ADGRB3: variants seen among roughly 807,000 people sequenced by gnomAD.
ADGRB3 encodes brain-specific angiogenesis inhibitor 3.
ADGRB3 carries 37 observed loss-of-function variants against 193.4 expected under a neutral mutation model. The ratio of observed to expected loss-of-function variants is 0.19; its 90% CI spans 0.15 to 0.25. The LOEUF is 0.25. Among genes scored for constraint, ADGRB3 ranks in the 10% least tolerant of loss-of-function variants. The probability of loss-of-function intolerance (pLI) is 1.00; values close to 1 mark genes in which losing one functional copy is unlikely to be tolerated. For missense variants in ADGRB3, 1,637 were observed against 1,852.9 expected (o/e 0.88, Z 2.14); for synonymous variants, 690 against 644.2 (o/e 1.07, Z -1.08).
intron 26 of ADGRB3, among the ~76,000 whole-genome samples, chr6:69,348,112 G>C (rs1022989244): frequency 6.6e-6 from 1 of 152,090 alleles, no homozygotes; most frequent in South Asian, 2.1e-4. Context: ...TTTCACACAT[G>C]GTTCTCCTAG....
At chr6:68,858,426 C>T (rs1417681387) in intron 3 of ADGRB3, among the ~76,000 whole-genome samples, 1 of 150,068 alleles carries the variant, frequency 6.7e-6, no homozygotes, top group Non-Finnish European at 1.5e-5. Context: ...ATTGTGTGAA[C>T]TCAGGAGGTG....
At chr6:69,291,757 A>G (rs1767687415) in intron 20 of ADGRB3, among the ~76,000 whole-genome samples, 2 of 152,182 alleles carry the variant, frequency 1.3e-5, no homozygotes, top group South Asian at 4.1e-4. Context: ...AAAATATGGT[A>G]CATTGGCATA....
At chr6:69,053,075 A>G (rs1771446295) in intron 15 of ADGRB3, among the ~76,000 whole-genome samples, 1 of 152,082 alleles carries the variant, frequency 6.6e-6, no homozygotes, top group Admixed American at 6.5e-5. Context: ...AGTCCCAGAT[A>G]CTTGGGAGGC....
At chr6:69,277,325 T>C (rs1290414423) in intron 20 of ADGRB3, among the ~76,000 whole-genome samples, 1 of 152,116 alleles carries the variant, frequency 6.6e-6, no homozygotes, top group Non-Finnish European at 1.5e-5. Context: ...CTACTCCATC[T>C]CTTCACTTAA....
At chr6:68,798,927 G>A (rs979114598) in intron 3 of ADGRB3, among the ~76,000 whole-genome samples, 31 of 152,198 alleles carry the variant, frequency 2.0e-4, no homozygotes, top group African/African-American at 6.5e-4. Context: ...ACAATGGGCA[G>A]AGGTAAGGTT....
Position 68,736,265 on chromosome 6 carries a change from C to T in ADGRB3, c.757+96833C>T, listed in dbSNP as rs187184825. 4.1e-4 allele frequency among the ~76,000 whole-genome samples: 63 copies of T among 152,194 alleles called. 1 individual carries two copies. The highest frequency in any genetic ancestry group is 3.4e-3 in the Admixed American group (52 of 15,276). ...AACTCCTGGGCTCAAGCTATCCACC[C>T]GGCTCAGCCTCTCCAGTGCTAGAAC... On this transcript the variant is annotated intron_variant, in intron 3 of 31. Coordinates refer to ENST00000370598, the MANE Select transcript of ADGRB3 (RefSeq NM_001704.3).
chr6:69,366,930 C>T (rs758117863), intron 29 of ADGRB3, among the ~76,000 whole-genome samples: 2 of 152,040 alleles, frequency 1.3e-5, no homozygotes, highest in African/African-American at 2.4e-5. Context: ...ATGGATCTTG[C>T]CCCTGTGGAG....
At chr6:68,708,592 A>T (rs1055381064) in intron 3 of ADGRB3, among the ~76,000 whole-genome samples, 1 of 152,224 alleles carries the variant, frequency 6.6e-6, no homozygotes, top group Non-Finnish European at 1.5e-5. Context: ...TAGATTTTTT[A>T]AAAACAAAAC....
chr6:68,786,164 C>G (rs1392216894), intron 3 of ADGRB3, among the ~76,000 whole-genome samples: 4 of 152,008 alleles, frequency 2.6e-5, no homozygotes, highest in African/African-American at 9.7e-5. Context: ...TTAATTAGAT[C>G]CCATTTGTCA....
At chr6:69,196,654 T>TA (rs1765303153) in intron 17 of ADGRB3, among the ~76,000 whole-genome samples, 2 of 152,220 alleles carry the variant, frequency 1.3e-5, no homozygotes, top group South Asian at 2.1e-4. Flanking sequence ...TCACCTCTAT[T>TA]AAAAATCTTA....
At position 69,183,750 on chromosome 6, in the gene ADGRB3, G is replaced by C. The variant is rs145831845; in HGVS notation, c.2481-49540G>C. ...TTAACTTCTCTCAGATATGTAAGTT[G>C]ATATCAGACTTTCTAAAACACTACA... On this transcript the variant is annotated intron_variant, in intron 17 of 31. Transcript: ENST00000370598. Among the ~76,000 whole-genome samples the C allele has an allele frequency of 1.2e-3, 179 of 152,126 alleles. 3 individuals carry two copies. The East Asian group carries it at 0.03, about 25-fold the overall frequency.
chr6:68,709,976 C>T (rs920701426), intron 3 of ADGRB3, among the ~76,000 whole-genome samples: 1 of 152,048 alleles, frequency 6.6e-6, no homozygotes. Context: ...TTCTTTAAAT[C>T]TTACTTTAAA....
chr6:68,664,173 A>AT (rs1486839264), intron 3 of ADGRB3, among the ~76,000 whole-genome samples: 26 of 151,910 alleles, frequency 1.7e-4, no homozygotes, highest in African/African-American at 6.3e-4. Context: ...TTTTAAGCAC[A>AT]TTTTTTATGG....
Position 68,908,823 on chromosome 6 carries a change from T to A in ADGRB3, c.758-21736T>A, listed in dbSNP as rs537354412. 2.6e-5 allele frequency among the ~76,000 whole-genome samples: 4 copies of A among 152,274 alleles called. No homozygotes were observed. In the East Asian group the frequency reaches 7.7e-4, roughly 29 times the overall value. ...CTTCAGAAACTAATCCACTTCTGTA[T>A]TTGTAGTTCACATGGTCTCACCTAA... is the stretch of plus-strand genomic sequence containing the variant. On this transcript the variant is annotated intron_variant, in intron 3 of 31. Transcript: ENST00000370598.
intron 27 of ADGRB3, 117 bp downstream of exon 27, chr6:69,354,445 T>G: frequency 1.2e-6 from 1 of 814,534 alleles, no homozygotes; most frequent in Non-Finnish European, 2.0e-6. Context: ...TGGCTTCAGT[T>G]CATTAATAGA....
intron 3 of ADGRB3, among the ~76,000 whole-genome samples, chr6:68,865,069 G>T (rs1765257251): frequency 6.6e-6 from 1 of 152,054 alleles, no homozygotes; most frequent in Non-Finnish European, 1.5e-5. Flanking sequence ...AAATTTATTT[G>T]TATCTCTGGT....
intron 17 of ADGRB3, among the ~76,000 whole-genome samples, chr6:69,198,107 G>A (rs1765338875): frequency 1.3e-5 from 2 of 151,938 alleles, no homozygotes; most frequent in South Asian, 2.1e-4. Context: ...TATACTGTAG[G>A]TATTTGGCTT....
intron 10 of ADGRB3, among the ~76,000 whole-genome samples, chr6:68,979,147 T>C (rs1374861179): frequency 6.6e-6 from 1 of 150,400 alleles, no homozygotes; most frequent in South Asian, 2.1e-4. Context: ...GCTATAGTCC[T>C]AACATAATAC....
At chr6:69,250,209 G>A (rs1166344527) in intron 20 of ADGRB3, among the ~76,000 whole-genome samples, 1 of 152,088 alleles carries the variant, frequency 6.6e-6, no homozygotes, top group African/African-American at 2.4e-5. Context: ...ATTTGTATCT[G>A]TTTTGTTGCC....
Sources: gnomAD v4.1 joint callset for allele counts (sites outside exome capture counted in the v4.1 genomes callset) on GRCh38, gnomAD v4.1.1 for gene constraint, MANE v1.5 for transcripts, NCBI Gene and HGNC (gene_info 2026-07-23, HGNC 2026-07-21) for gene names.